Variants in MYH9 observed in about 807,000 individuals in gnomAD.
MYH9 encodes myosin-9.
A neutral mutation model predicts 241.9 loss-of-function variants in MYH9; 29 were observed. The ratio of observed to expected loss-of-function variants is 0.12; its 90% CI spans 0.09 to 0.16. The LOEUF is 0.16. Ranked by LOEUF, MYH9 falls within the 10% of genes least tolerant of loss-of-function variation. The pLI, the probability that MYH9 is intolerant of heterozygous loss-of-function variation, is 1.00. For missense variants in MYH9, 1,803 were observed against 2,595.5 expected, an observed-to-expected ratio of 0.69 and a Z score of 6.63; for synonymous variants, 1,047 against 1,062.6, an observed-to-expected ratio of 0.99 and a Z score of 0.29.
Position 36,293,247 on chromosome 22 carries a change from G to A in MYH9, c.4095+82C>T, listed in dbSNP as rs774965419. 2.9e-5 allele frequency: 46 copies of A among 1,578,872 alleles called. No homozygotes were observed. Among genetic ancestry groups the A allele is most frequent in the Non-Finnish European group, 4.0e-5 (46 of 1,154,516 alleles). On this transcript the variant is annotated intron_variant, in intron 30 of 40. Coordinates refer to ENST00000216181, the MANE Select transcript of MYH9 (RefSeq NM_002473.6). This position sits in a 1 kb window ranked among gnomAD's most constrained non-coding sequence, Gnocchi z 5.1. The stretch of plus-strand genomic sequence containing the variant: ...GCAATGGGCCGGCCCAGCGGGCAGG[G>A]CTGTCCTGCAGTGCCCAGGCCAGTG...
intron 5 of MYH9, 51 bp downstream of exon 5, chr22:36,326,517 T>C (rs2017338034): frequency 1.3e-6 from 2 of 1,509,876 alleles, no homozygotes; most frequent in East Asian, 4.5e-5. Context: ...TCCTCCATCA[T>C]CCCACCAAGG....
At chr22:36,350,731 G>A (rs1356593749) in intron 1 of MYH9, among the ~76,000 whole-genome samples, 2 of 152,176 alleles carry the variant, frequency 1.3e-5, no homozygotes, top group African/African-American at 4.8e-5. Context: ...CTTCTCCATA[G>A]TCATCCAGTC....
At chr22:36,340,641 T>A (rs527966623) in intron 3 of MYH9, among the ~76,000 whole-genome samples, 1 of 145,676 alleles carries the variant, frequency 6.9e-6, no homozygotes, top group East Asian at 2.0e-4. Context: ...CCAGCCTGGG[T>A]GACAGAACGA....
chr22:36,321,845 G>A (rs538745023), intron 6 of MYH9, 24 bp from the exon 7 acceptor site: 3 of 1,605,082 alleles, frequency 1.9e-6, no homozygotes, highest in Admixed American at 3.3e-5. Context: ...GATAGCAAGA[G>A]ATCAGAGGTG....
At chr22:36,321,864 A>G (rs1464228022) in intron 6 of MYH9, 43 bp from the exon 7 acceptor site, 2 of 1,550,092 alleles carry the variant, frequency 1.3e-6, no homozygotes, top group East Asian at 2.2e-5. Flanking sequence ...TGCCCCTGAC[A>G]TGGGGAGCTA....
intron 11 of MYH9, 44 bp from the exon 12 acceptor site, chr22:36,316,713 C>T: frequency 6.2e-7 from 1 of 1,611,470 alleles, no homozygotes; most frequent in African/African-American, 1.3e-5. Context: ...TACAAAGGAT[C>T]TGAAAACCCT....
chr22:36,352,451 G>A (rs2017780919), intron 1 of MYH9, among the ~76,000 whole-genome samples: 1 of 152,176 alleles, frequency 6.6e-6, no homozygotes, highest in African/African-American at 2.4e-5. Flanking sequence ...AACCCTAACA[G>A]CAAAGAACCC....
intron 34 of MYH9, among the ~76,000 whole-genome samples, chr22:36,287,745 CA>C (rs2016611912): frequency 6.6e-6 from 1 of 152,064 alleles, no homozygotes; most frequent in South Asian, 2.1e-4. Context: ...CCGTCTCAAA[CA>C]AACAAACAAA....
In MYH9 at chr22:36,305,762, G is replaced by T. The variant is rs949068086; in HGVS notation, c.2159+168C>A. ...TGGGGAAGTCTCCTTTCCTGCAAAG[G>T]GTGGAAAAGAGAAGGAGGTGGGGAA... On this transcript the variant is annotated intron_variant, in intron 17 of 40. Transcript: ENST00000216181. This position sits in a 1 kb window ranked among gnomAD's most constrained non-coding sequence, Gnocchi z 4.7. Among the ~76,000 whole-genome samples, 4 of 152,320 alleles carry T rather than the reference G, an allele frequency of 2.6e-5. No individual in the cohort carries two copies. The South Asian group carries it at 8.3e-4, about 32-fold the overall frequency.
chr22:36,283,213 T>C (rs2016521349), intron 40 of MYH9, among the ~76,000 whole-genome samples: 1 of 152,044 alleles, frequency 6.6e-6, no homozygotes. Context: ...AAAATTCATA[T>C]ACAATACTGA....
intron 40 of MYH9, 142 bp downstream of exon 40, chr22:36,283,951 A>C: frequency 1.0e-6 from 1 of 991,056 alleles, no homozygotes; most frequent in Non-Finnish European, 1.6e-6. Flanking sequence ...CCTCAAAGGC[A>C]AGGAGCCAGA....
chr22:36,313,806 C>T (rs1042425874), intron 13 of MYH9, among the ~76,000 whole-genome samples: 20 of 152,138 alleles, frequency 1.3e-4, no homozygotes, highest in African/African-American at 4.6e-4. Flanking sequence ...TTCTTTAAGA[C>T]AAAGAAATGC....
chr22:36,385,586 G>C lies in MYH9; in HGVS notation c.-20+2221C>G, dbSNP rs1416412624. ...AAAGTTTAAAAATAAAAGCAAGAAA[G>C]CCAGGGCCCTCCCTCTCCTCTACCC... On this transcript the variant is annotated intron_variant, in intron 1 of 40. Coordinates refer to ENST00000216181, the MANE Select transcript of MYH9 (RefSeq NM_002473.6). Among the ~76,000 whole-genome samples the C allele has an allele frequency of 3.3e-5, 5 of 152,212 alleles. No homozygotes were observed. In the East Asian group the frequency reaches 9.7e-4, roughly 29 times the overall value.
chr22:36,358,266 T>C (rs1219557293), intron 1 of MYH9, among the ~76,000 whole-genome samples: 1 of 152,202 alleles, frequency 6.6e-6, no homozygotes, highest in Non-Finnish European at 1.5e-5. Flanking sequence ...GGTTTCGCCA[T>C]ATTGGCCAGG....
intron 1 of MYH9, among the ~76,000 whole-genome samples, chr22:36,353,963 C>T (rs749808124): frequency 5.3e-5 from 8 of 151,918 alleles, no homozygotes; most frequent in Non-Finnish European, 7.4e-5. Flanking sequence ...TGCAATGGCA[C>T]GATCTCGGCT....
Position 36,316,668 on chromosome 22 carries a change from G to A in MYH9, c.1229C>T (p.Ala410Val), listed in dbSNP as rs746493683. The A allele has an allele frequency of 6.2e-7, 1 of 1,613,800 alleles. No individual in the cohort carries two copies. Among genetic ancestry groups the A allele is most frequent in the Non-Finnish European group, 8.5e-7 (1 of 1,180,046 alleles). Reference sequence around the variant, plus strand: ...GGCCAAGGCCTCGATGGCAAAGTCAGCCTGCGGGGCACACCCGGGGAGCGT... The same window carrying A: ...GGCCAAGGCCTCGATGGCAAAGTCAACCTGCGGGGCACACCCGGGGAGCGT... ...YVQKAQTKEQ[A>V]DFAIEALAKA... Residue 410 changes from alanine to valine, a missense_variant and splice_region_variant, in exon 12 of 41, where the codon GCT becomes GTT. Physicochemically the swap from Ala to Val is moderately conservative, Grantham distance 64 (BLOSUM62 0). Coordinates refer to ENST00000216181, the MANE Select transcript of MYH9 (RefSeq NM_002473.6).
Position 36,293,832 on chromosome 22 carries a change from C to T in MYH9, c.3869G>A (p.Ser1290Asn), listed in dbSNP as rs757588156. ...CTTGCTGGACTTGCTGTCGGACTGG[C>T]TGAGAAGCCCGGTCACGTTGTCCAG... ...VELDNVTGLL[S>N]QSDSKSSKLT... Residue 1290 changes from serine (S) to asparagine (N), a missense_variant, in exon 29 of 41, where the codon AGC becomes AAC. Physicochemically the swap from Ser to Asn is conservative, Grantham distance 46. Coordinates refer to ENST00000216181, the MANE Select transcript of MYH9 (RefSeq NM_002473.6). This position sits in a 1 kb window ranked among gnomAD's most constrained non-coding sequence, Gnocchi z 5.1. 58 of 1,613,666 alleles carry T rather than the reference C, an allele frequency of 3.6e-5. No homozygotes were observed. Among genetic ancestry groups the T allele is most frequent in the Non-Finnish European group, 4.7e-5 (56 of 1,179,962 alleles).
chr22:36,334,776 C>T (rs562491828), intron 3 of MYH9, among the ~76,000 whole-genome samples: 81 of 152,326 alleles, frequency 5.3e-4, no homozygotes, highest in African/African-American at 1.7e-3. Flanking sequence ...AGGCATCACA[C>T]ACACGGCGTC....
intron 3 of MYH9, among the ~76,000 whole-genome samples, chr22:36,332,376 CT>C (rs1323155444): frequency 2.6e-5 from 4 of 152,184 alleles, no homozygotes; most frequent in Admixed American, 2.6e-4. Context: ...GCCTGCCTGC[CT>C]AGCAATCTGC....
Sources: allele counts gnomAD v4.1 joint callset (sites outside exome capture counted in the v4.1 genomes callset), GRCh38; gene constraint gnomAD v4.1.1; non-coding constraint Gnocchi (gnomAD v3.1); transcripts MANE v1.5; gene names NCBI Gene and HGNC (gene_info 2026-07-23, HGNC 2026-07-21).